Variants in GXYLT2 observed in about 807,000 individuals in gnomAD.
The protein encoded by GXYLT2 is glycosyltransferase 8 domain containing 4.
A neutral mutation model predicts 45.8 loss-of-function variants in GXYLT2; 53 were observed. The observed-to-expected ratio is 1.16, with a 90% CI of 0.93 to 1.46. GXYLT2 has a LOEUF of 1.46. Among genes scored for constraint, GXYLT2 ranks in the 40% most tolerant of loss-of-function variants. The pLI, the probability that GXYLT2 is intolerant of heterozygous loss-of-function variation, is 0.00. For missense variants in GXYLT2, 551 were observed against 544.4 expected (o/e 1.01, Z -0.12); for synonymous variants, 219 against 214.2 (o/e 1.02, Z -0.19).
At chr3:72,888,710 G>C (rs1361944480) in intron 1 of GXYLT2, among the ~76,000 whole-genome samples, 2 of 152,134 alleles carry the variant, frequency 1.3e-5, no homozygotes, top group African/African-American at 2.4e-5. Context: ...TGATAATCAC[G>C]TACATTTTTT....
At chr3:72,955,718 A>T (rs921568673) in intron 4 of GXYLT2, among the ~76,000 whole-genome samples, 2 of 152,206 alleles carry the variant, frequency 1.3e-5, no homozygotes, top group African/African-American at 4.8e-5. Context: ...TCGTGATCTC[A>T]TCTTTTATCC....
At chr3:72,924,368 A>T (rs1430485098) in intron 3 of GXYLT2, among the ~76,000 whole-genome samples, 1 of 151,648 alleles carries the variant, frequency 6.6e-6, no homozygotes, top group East Asian at 1.9e-4. Context: ...TAATTTTTTT[A>T]TTTTTTGTAG....
intron 3 of GXYLT2, among the ~76,000 whole-genome samples, chr3:72,937,787 A>G (rs1450638904): frequency 1.3e-5 from 2 of 152,228 alleles, no homozygotes; most frequent in Non-Finnish European, 2.9e-5. Flanking sequence ...GAAAAAAGAA[A>G]TAGAACATAT....
intron 1 of GXYLT2, among the ~76,000 whole-genome samples, chr3:72,903,783 G>A (rs1488773526): frequency 6.6e-6 from 1 of 152,152 alleles, no homozygotes; most frequent in African/African-American, 2.4e-5. Context: ...GAATATGAGC[G>A]AGGCAGGAAG....
chr3:72,911,958 T>G (rs1054459695), intron 2 of GXYLT2, among the ~76,000 whole-genome samples: 6 of 142,482 alleles, frequency 4.2e-5, no homozygotes, highest in East Asian at 4.0e-4. Context: ...ATAAGTTGGG[T>G]GTGTGTGTGT....
rs75794282 is a variant in GXYLT2 at position 72,967,675 on chromosome 3, G to C, written c.1105G>C (p.Asp369His). The C allele has an allele frequency of 6.2e-7, 1 of 1,613,774 alleles. No individual in the cohort carries two copies. Among genetic ancestry groups the C allele is most frequent in the Non-Finnish European group, 8.5e-7 (1 of 1,179,838 alleles). ...LHGNRGVYHD[D>H]KQPTFRALYE... Reference sequence around the variant, plus strand: ...TGGAAACCGAGGCGTCTACCATGACGATAAGCAACCAACGTTCAGAGCACT... The same window carrying C: ...TGGAAACCGAGGCGTCTACCATGACCATAAGCAACCAACGTTCAGAGCACT... The change falls in exon 6 of 7, where the codon GAT becomes CAT. Residue 369 changes from aspartate (D) to histidine (H), a missense_variant. Coordinates refer to ENST00000389617, the MANE Select transcript of GXYLT2 (RefSeq NM_001080393.2).
intron 4 of GXYLT2, among the ~76,000 whole-genome samples, chr3:72,956,066 GT>G (rs1489504453): frequency 6.6e-6 from 1 of 152,146 alleles, no homozygotes; most frequent in Admixed American, 6.6e-5. Flanking sequence ...GACAGAGACT[GT>G]GATTATTTGT....
At chr3:72,946,431 C>T (rs1468885585) in intron 3 of GXYLT2, among the ~76,000 whole-genome samples, 4 of 151,944 alleles carry the variant, frequency 2.6e-5, no homozygotes, top group East Asian at 3.8e-4. Flanking sequence ...TTAGTTCAGG[C>T]GGCAAGAACA....
intron 3 of GXYLT2, among the ~76,000 whole-genome samples, chr3:72,925,156 CTTTCTT>C (rs1709895512): frequency 2.0e-5 from 3 of 148,566 alleles, no homozygotes; most frequent in African/African-American, 7.7e-5. Context: ...TTTTCTTTTT[CTTTCTT>C]TTTTTTTTTT....
intron 3 of GXYLT2, among the ~76,000 whole-genome samples, chr3:72,937,443 C>T (rs1710207001): frequency 6.6e-6 from 1 of 152,166 alleles, no homozygotes; most frequent in South Asian, 2.1e-4. Flanking sequence ...AATGACCACC[C>T]AATGCCTACT....
At chr3:72,909,430 TATA>T (rs1709576625) in intron 2 of GXYLT2, among the ~76,000 whole-genome samples, 1 of 152,082 alleles carries the variant, frequency 6.6e-6, no homozygotes, top group South Asian at 2.1e-4. Context: ...CATGCATATG[TATA>T]ATTACATACA....
intron 4 of GXYLT2, among the ~76,000 whole-genome samples, chr3:72,955,776 T>C (rs930137799): frequency 2.0e-5 from 3 of 152,014 alleles, no homozygotes; most frequent in African/African-American, 7.3e-5. Flanking sequence ...AGAGAACTAG[T>C]CAAAAAAAAT....
At chr3:72,949,356 CCTTA>C in intron 3 of GXYLT2, among the ~76,000 whole-genome samples, 1 of 152,046 alleles carries the variant, frequency 6.6e-6, no homozygotes, top group East Asian at 1.9e-4. Context: ...GGGAAGCTTT[CCTTA>C]CTTTTCCTCC....
intron 3 of GXYLT2, among the ~76,000 whole-genome samples, chr3:72,940,676 T>C (rs1220221739): frequency 6.6e-6 from 1 of 152,214 alleles, no homozygotes; most frequent in African/African-American, 2.4e-5. Context: ...AGACAACTCG[T>C]GTTTTGTTTG....
intron 2 of GXYLT2, among the ~76,000 whole-genome samples, chr3:72,916,045 C>T (rs761311001): frequency 4.0e-5 from 6 of 151,860 alleles, no homozygotes; most frequent in Non-Finnish European, 7.4e-5. Flanking sequence ...ACCTCCCTGA[C>T]TCCTCTGAAG....
chr3:72,964,888 A>G (rs2107152560), intron 5 of GXYLT2, among the ~76,000 whole-genome samples: 1 of 152,354 alleles, frequency 6.6e-6, no homozygotes, highest in South Asian at 2.1e-4. Context: ...AATGAGTGAT[A>G]TGACCCATTG....
intron 1 of GXYLT2, among the ~76,000 whole-genome samples, chr3:72,891,740 G>A (rs1029432786): frequency 3.9e-5 from 6 of 152,152 alleles, no homozygotes; most frequent in Non-Finnish European, 7.3e-5. Flanking sequence ...AAAATGAAAA[G>A]TCATAAAGAA....
intron 6 of GXYLT2, among the ~76,000 whole-genome samples, chr3:72,972,916 A>C (rs1168162642): frequency 6.6e-6 from 1 of 151,912 alleles, no homozygotes; most frequent in Non-Finnish European, 1.5e-5. Flanking sequence ...CAGCCAGAGC[A>C]AGACTTTGCC....
In GXYLT2 at chr3:72,975,109, G is replaced by T; in HGVS notation, c.1282G>T (p.Ala428Ser). 6.2e-7 allele frequency: 1 copy of T among 1,613,698 alleles called. No homozygotes were observed. The highest frequency in any genetic ancestry group is 1.1e-5 in the South Asian group (1 of 91,072). The change falls in exon 7 of 7, where the codon GCT becomes TCT. Residue 428 changes from alanine (A) to serine (S), a missense_variant. Ala to Ser is a moderately conservative substitution (Grantham distance 99). Transcript: ENST00000389617. ...GCAAATTGAGAAAACAATGAAAAGG[G>T]CTTATGAGAAACACGTCATCATCCA... ...LKQIEKTMKR[A>S]YEKHVIIHVG...
Sources: gnomAD v4.1 joint callset for allele counts (sites outside exome capture counted in the v4.1 genomes callset) on GRCh38, gnomAD v4.1.1 for gene constraint, MANE v1.5 for transcripts, NCBI Gene and HGNC (gene_info 2026-07-23, HGNC 2026-07-21) for gene names.